PKHD1: variants seen among roughly 807,000 people sequenced by gnomAD.
PKHD1 encodes the protein PKHD1 ciliary IPT domain containing fibrocystin/polyductin.
A neutral mutation model predicts 412.0 loss-of-function variants in PKHD1; 291 were observed. The observed-to-expected ratio is 0.71, with a 90% CI of 0.64 to 0.78. PKHD1 has a LOEUF of 0.78. Among genes scored for constraint, PKHD1 ranks in the 30% least tolerant of loss-of-function variants. The pLI is 0.00. For synonymous variants in PKHD1, 1,777 were observed against 1,821.5 expected (o/e 0.98, Z 0.62); for missense variants, 4,825 against 4,950.7 (o/e 0.97, Z 0.76).
At chr6:51,813,171 G>C (rs1283687425) in intron 52 of PKHD1, among the ~76,000 whole-genome samples, 1 of 152,090 alleles carries the variant, frequency 6.6e-6, no homozygotes, top group Non-Finnish European at 1.5e-5. Context: ...CTCATATTCA[G>C]CTCAAAATAA....
intron 36 of PKHD1, among the ~76,000 whole-genome samples, chr6:51,950,577 C>T (rs1790216798): frequency 6.6e-6 from 1 of 152,084 alleles, no homozygotes; most frequent in African/African-American, 2.4e-5. Context: ...GCCTCATTCC[C>T]AGAGTAGGTT....
At chr6:51,668,637 A>G (rs1774302582) in intron 60 of PKHD1, among the ~76,000 whole-genome samples, 1 of 152,152 alleles carries the variant, frequency 6.6e-6, no homozygotes, top group African/African-American at 2.4e-5. Flanking sequence ...TTTCAAAGGG[A>G]ATGCTTCCAA....
intron 48 of PKHD1, among the ~76,000 whole-genome samples, chr6:51,857,586 CATATAGGTACT>C (rs957119640): frequency 3.2e-4 from 48 of 152,150 alleles, no homozygotes; most frequent in Non-Finnish European, 6.6e-4. Flanking sequence ...GAATAGATCT[CATATAGGTACT>C]ATGAAACATA....
intron 63 of PKHD1, among the ~76,000 whole-genome samples, chr6:51,640,404 T>G (rs992782841): frequency 6.6e-6 from 1 of 152,226 alleles, no homozygotes; most frequent in African/African-American, 2.4e-5. Context: ...ATCTATGATA[T>G]TCTCAGATTT....
chr6:52,080,118 C>T (rs755001455), intron 4 of PKHD1, 110 bp from the exon 5 acceptor site: 19 of 727,678 alleles, frequency 2.6e-5, no homozygotes, highest in East Asian at 1.3e-4. Context: ...ACAGAGCTAA[C>T]CAAGGATTCC....
At chr6:51,718,202 A>G (rs930981073) in intron 60 of PKHD1, among the ~76,000 whole-genome samples, 1 of 152,186 alleles carries the variant, frequency 6.6e-6, no homozygotes, top group African/African-American at 2.4e-5. Flanking sequence ...TTGCAGGGGA[A>G]AAAGCACTTC....
Position 51,673,647 on chromosome 6 carries a change from C to G in PKHD1, c.10157-13678G>C, listed in dbSNP as rs188997629. On this transcript the variant is annotated intron_variant, in intron 60 of 66. Coordinates refer to ENST00000371117, the MANE Select transcript of PKHD1 (RefSeq NM_138694.4). ...GGCCTTCAGGGAGTGAAGAGCCACG[C>G]TGATTATGTCAATAAGACTCATGAA... is the stretch of plus-strand genomic sequence containing the variant. 2.6e-5 allele frequency among the ~76,000 whole-genome samples: 4 copies of G among 152,248 alleles called. No homozygotes were observed. In the East Asian group the frequency reaches 7.7e-4, roughly 29 times the overall value.
chr6:51,710,014 T>C (rs1299867322), intron 60 of PKHD1, among the ~76,000 whole-genome samples: 1 of 151,906 alleles, frequency 6.6e-6, no homozygotes, highest in Non-Finnish European at 1.5e-5. Context: ...ATCAAGACCA[T>C]CCTAGCCAAC....
rs115631787 is a variant in PKHD1, at chr6:51,903,172, G to T, written c.6996+425C>A. On this transcript the variant is annotated intron_variant, in intron 43 of 66. Transcript: ENST00000371117. ...AAAAGTGTTTCCAGAAATCCTGAGA[G>T]GAATGCTTACATTTATCCTAAAGTA... Among the ~76,000 whole-genome samples the T allele has an allele frequency of 2.5e-3, 375 of 152,272 alleles. 3 individuals are homozygous for T. Among genetic ancestry groups the T allele is most frequent in the African/African-American group, 8.1e-3 (335 of 41,558 alleles).
chr6:52,082,624 G>T, intron 3 of PKHD1, 82 bp from the exon 4 acceptor site: 2 of 1,368,840 alleles, frequency 1.5e-6, no homozygotes, highest in Non-Finnish European at 2.1e-6. Flanking sequence ...AGATCCTGGG[G>T]GTAATGTAAG....
In PKHD1 at chr6:51,747,844, C is replaced by T; in HGVS notation, c.9772G>A (p.Glu3258Lys). 6.2e-7 allele frequency: 1 copy of T among 1,613,796 alleles called. No individual in the cohort carries two copies. Among genetic ancestry groups the T allele is most frequent in the South Asian group, 1.1e-5 (1 of 91,078 alleles). ...FTSEPNQWPQ[E>K]PWHKVRNDHS... ...TCATTCCTCACTTTGTGCCATGGCT[C>T]CTGAGGCCACTGATTTGGTTCTGAG... is the stretch of plus-strand genomic sequence containing the variant. The change falls in exon 58 of 67, where the codon GAG (glutamate) becomes AAG (lysine). Residue 3258 changes from glutamate (E) to lysine (K), a missense_variant. Coordinates refer to ENST00000371117, the MANE Select transcript of PKHD1 (RefSeq NM_138694.4).
chr6:51,734,424 T>C (rs537352556), intron 60 of PKHD1, among the ~76,000 whole-genome samples: 168 of 152,324 alleles, frequency 1.1e-3, no homozygotes, highest in African/African-American at 3.8e-3. Flanking sequence ...TTCTTGACTT[T>C]CTTATTCACA....
chr6:51,714,647 A>T (rs1021045069), intron 60 of PKHD1, among the ~76,000 whole-genome samples: 1 of 152,248 alleles, frequency 6.6e-6, no homozygotes, highest in African/African-American at 2.4e-5. Context: ...CCTATTTCAC[A>T]TGCTCAATAC....
chr6:51,710,784 G>T (rs1232646334), intron 60 of PKHD1, among the ~76,000 whole-genome samples: 1 of 152,146 alleles, frequency 6.6e-6, no homozygotes, highest in African/African-American at 2.4e-5. Context: ...ACCAAATGAG[G>T]TAAGCGCCAT....
intron 27 of PKHD1, among the ~76,000 whole-genome samples, chr6:52,038,041 T>TA (rs375829980): frequency 6.6e-6 from 1 of 151,788 alleles, no homozygotes; most frequent in Non-Finnish European, 1.5e-5. Flanking sequence ...GAGGTCACAC[T>TA]AAAAAAAAGA....
chr6:52,055,538 A>G (rs1358406021), intron 19 of PKHD1, 49 bp downstream of exon 19: 1 of 1,603,948 alleles, frequency 6.2e-7, no homozygotes, highest in African/African-American at 1.3e-5. Context: ...CCAGAGAGCA[A>G]TACCAATACC....
In PKHD1 at chr6:52,026,134, C is replaced by A. The variant is rs751658200; in HGVS notation, c.3676G>T (p.Ala1226Ser). Reference protein sequence around the residue: ...ISGIGFSRDPALVWVLVGNRS... With the variant: ...ISGIGFSRDPSLVWVLVGNRS... ...TTGCCCACAAGTACCCAAACCAAAG[C>A]TGGGTCCCTGCTGAAGCCTATTCCT... is the stretch of plus-strand genomic sequence containing the variant. The change falls in exon 32 of 67, where the codon GCT (alanine) becomes TCT (serine). Residue 1226 changes from alanine to serine, a missense_variant. Coordinates refer to ENST00000371117, the MANE Select transcript of PKHD1 (RefSeq NM_138694.4). The A allele has an allele frequency of 4.3e-6, 7 of 1,614,128 alleles. No individual in the cohort carries two copies. The highest frequency in any genetic ancestry group is 5.1e-6 in the Non-Finnish European group (6 of 1,179,996).
At chr6:51,998,510 C>T (rs778703731) in intron 35 of PKHD1, among the ~76,000 whole-genome samples, 1 of 152,178 alleles carries the variant, frequency 6.6e-6, no homozygotes, top group Non-Finnish European at 1.5e-5. Flanking sequence ...GGGAACTCTT[C>T]AAAATATTCC....
intron 5 of PKHD1, among the ~76,000 whole-genome samples, chr6:52,078,035 A>C (rs539539292): frequency 6.6e-6 from 1 of 152,172 alleles, no homozygotes; most frequent in East Asian, 1.9e-4. Flanking sequence ...CAAATAAGGA[A>C]GCATACCTCT....
Sources: gnomAD v4.1 joint callset for allele counts (sites outside exome capture counted in the v4.1 genomes callset) on GRCh38, gnomAD v4.1.1 for gene constraint, MANE v1.5 for transcripts, NCBI Gene and HGNC (gene_info 2026-07-23, HGNC 2026-07-21) for gene names.